SWAP70: variants seen among roughly 807,000 people sequenced by gnomAD.
SWAP70 encodes switching B cell complex subunit SWAP70.
SWAP70 carries 34 observed loss-of-function variants against 80.2 expected under a neutral mutation model. That is an observed-to-expected ratio of 0.42 (90% confidence interval 0.32 to 0.56). The LOEUF (loss-of-function observed/expected upper bound fraction) is 0.56. Among genes scored for constraint, SWAP70 ranks in the 20% least tolerant of loss-of-function variants. The pLI is 0.09. For synonymous variants in SWAP70, 239 were observed against 238.5 expected (o/e 1.00, Z -0.02); for missense variants, 578 against 690.7 (o/e 0.84, Z 1.83).
chr11:9,665,624 TCA>T (rs1480274207), intron 1 of SWAP70, among the ~76,000 whole-genome samples: 31 of 152,152 alleles, frequency 2.0e-4, no homozygotes, highest in Non-Finnish European at 4.4e-5. Context: ...GTAAATGGAG[TCA>T]TATAGTTTGT....
chr11:9,725,580 T>TG (rs1851212023), intron 4 of SWAP70, among the ~76,000 whole-genome samples: 1 of 131,176 alleles, frequency 7.6e-6, no homozygotes, highest in Non-Finnish European at 1.6e-5. Context: ...TTTTTTTTTT[T>TG]TTTTTTTTCC....
chr11:9,694,958 G>A (rs759942756), intron 2 of SWAP70, among the ~76,000 whole-genome samples: 15 of 152,042 alleles, frequency 9.9e-5, no homozygotes, highest in Non-Finnish European at 1.9e-4. Flanking sequence ...GCATTACTGG[G>A]TATATACCCA....
intron 2 of SWAP70, among the ~76,000 whole-genome samples, chr11:9,698,696 T>C (rs76062367): frequency 1.8e-4 from 28 of 152,382 alleles, no homozygotes; most frequent in Non-Finnish European, 3.7e-4. Context: ...TGAGCCATTG[T>C]GCCCAACCTC....
chr11:9,739,166 C>CT (rs1275972769), intron 8 of SWAP70, among the ~76,000 whole-genome samples: 1 of 152,194 alleles, frequency 6.6e-6, no homozygotes, highest in African/African-American at 2.4e-5. Context: ...AGGCTTCCAT[C>CT]TTCAAGAGAC....
At chr11:9,709,410 T>G (rs1850966181) in intron 2 of SWAP70, among the ~76,000 whole-genome samples, 1 of 152,252 alleles carries the variant, frequency 6.6e-6, no homozygotes, top group Non-Finnish European at 1.5e-5. Flanking sequence ...ATTATAGGCC[T>G]GAGCCACCAC....
At chr11:9,727,398 T>C (rs1851239664) in intron 4 of SWAP70, among the ~76,000 whole-genome samples, 1 of 152,084 alleles carries the variant, frequency 6.6e-6, no homozygotes, top group African/African-American at 2.4e-5. Context: ...AAAAAAAATT[T>C]TTTTTTTGTA....
intron 7 of SWAP70, 121 bp from the exon 8 acceptor site, chr11:9,738,092 A>G (rs1851386269): frequency 1.8e-6 from 1 of 552,928 alleles, no homozygotes; most frequent in South Asian, 3.7e-5. Context: ...TTATTCTATT[A>G]TCTTTATTGA....
chr11:9,666,871 C>A (rs1252733040), intron 1 of SWAP70, among the ~76,000 whole-genome samples: 1 of 151,676 alleles, frequency 6.6e-6, no homozygotes, highest in Non-Finnish European at 1.5e-5. Context: ...ACTACAGACA[C>A]GTGCCACCAA....
At chr11:9,745,602 G>C (rs1851501948) in intron 9 of SWAP70, among the ~76,000 whole-genome samples, 1 of 152,230 alleles carries the variant, frequency 6.6e-6, no homozygotes. Context: ...GAAGTGTCCA[G>C]AGCAAATGAG....
At chr11:9,694,414 G>T in intron 2 of SWAP70, 128 bp downstream of exon 2, 1 of 1,123,348 alleles carries the variant, frequency 8.9e-7, no homozygotes, top group South Asian at 2.0e-5. Context: ...AAACCAGAAA[G>T]GAAGAAAGAA....
At chr11:9,747,375 G>A (rs1395949168) in intron 9 of SWAP70, among the ~76,000 whole-genome samples, 2 of 152,140 alleles carry the variant, frequency 1.3e-5, no homozygotes, top group Non-Finnish European at 2.9e-5. Context: ...TTCATTATCA[G>A]CTTTTTCCAT....
At chr11:9,689,609 A>G (rs4910489) in intron 1 of SWAP70, among the ~76,000 whole-genome samples, 139,383 of 152,262 alleles carry the variant, frequency 0.92, 64,610 homozygotes, top group Non-Finnish European at 0.99. Context: ...CCTGATTAGA[A>G]TGATTTGGGG....
At chr11:9,686,239 A>G (rs1056798838) in intron 1 of SWAP70, among the ~76,000 whole-genome samples, 2 of 151,854 alleles carry the variant, frequency 1.3e-5, no homozygotes, top group African/African-American at 4.8e-5. Context: ...CCCTTCCCCC[A>G]TCATGTACAC....
chr11:9,702,987 G>A (rs563998749), intron 2 of SWAP70, among the ~76,000 whole-genome samples: 7 of 151,972 alleles, frequency 4.6e-5, no homozygotes, highest in African/African-American at 1.5e-4. Flanking sequence ...CCATTTAGTG[G>A]TTTTTTTGTT....
intron 1 of SWAP70, among the ~76,000 whole-genome samples, chr11:9,671,671 TATAA>T (rs1470888484): frequency 3.6e-5 from 4 of 109,958 alleles, no homozygotes; most frequent in African/African-American, 1.4e-4. Context: ...TATAAATATA[TATAA>T]ATAGAAATAT....
At chr11:9,745,841 A>G (rs1323788078) in intron 9 of SWAP70, among the ~76,000 whole-genome samples, 3 of 152,234 alleles carry the variant, frequency 2.0e-5, no homozygotes, top group South Asian at 2.1e-4. Flanking sequence ...ACCACCTTGT[A>G]TTAGCTAAAG....
chr11:9,688,897 C>A (rs1850663192), intron 1 of SWAP70, among the ~76,000 whole-genome samples: 3 of 152,104 alleles, frequency 2.0e-5, no homozygotes, highest in Admixed American at 2.0e-4. Flanking sequence ...TAAGGCAGGG[C>A]ATAGCTGTGG....
In SWAP70 at chr11:9,680,652, G is replaced by A. The variant is rs368732552; in HGVS notation, c.100-13494G>A. Among the ~76,000 whole-genome samples the A allele has an allele frequency of 2.4e-4, 37 of 152,214 alleles. No homozygotes were observed. In the South Asian group the frequency reaches 7.3e-3, roughly 30 times the overall value. On this transcript the variant is annotated intron_variant, in intron 1 of 11. Coordinates refer to ENST00000318950, the MANE Select transcript of SWAP70 (RefSeq NM_015055.4). ...GCTGGTGTCGAACTCCTGACCTCAGGTGATCCACCCGCCACAGCCTCCTGA... is the reference window on the plus strand; with the variant it reads ...GCTGGTGTCGAACTCCTGACCTCAGATGATCCACCCGCCACAGCCTCCTGA...
intron 2 of SWAP70, among the ~76,000 whole-genome samples, chr11:9,712,402 C>T (rs921216723): frequency 6.6e-6 from 1 of 152,144 alleles, no homozygotes; most frequent in African/African-American, 2.4e-5. Flanking sequence ...CCTAGTTCTT[C>T]ATCTTTATAT....
Sources: allele counts gnomAD v4.1 joint callset (sites outside exome capture counted in the v4.1 genomes callset), GRCh38; gene constraint gnomAD v4.1.1; transcripts MANE v1.5; gene names NCBI Gene and HGNC (gene_info 2026-07-23, HGNC 2026-07-21).